CAMTA1: variants seen among roughly 807,000 people sequenced by gnomAD.
CAMTA1 encodes the protein calmodulin-binding transcription activator 1.
CAMTA1 carries 27 observed loss-of-function variants against 170.9 expected under a neutral mutation model. The ratio of observed to expected loss-of-function variants is 0.16; its 90% CI spans 0.12 to 0.22. The LOEUF is 0.22. Among genes scored for constraint, CAMTA1 ranks in the 10% least tolerant of loss-of-function variants. The pLI is 1.00. For missense variants in CAMTA1, 1,619 were observed against 2,217.2 expected, an observed-to-expected ratio of 0.73 and a Z score of 5.42; for synonymous variants, 833 against 891.5, an observed-to-expected ratio of 0.93 and a Z score of 1.17.
intron 21 of CAMTA1, among the ~76,000 whole-genome samples, chr1:7,753,721 C>T (rs1242906455): frequency 6.6e-6 from 1 of 152,208 alleles, no homozygotes; most frequent in African/African-American, 2.4e-5. Flanking sequence ...TAAAAAACGG[C>T]ATTCACTAAG....
intron 3 of CAMTA1, among the ~76,000 whole-genome samples, chr1:6,839,341 C>A (rs566790543): frequency 6.6e-6 from 1 of 152,066 alleles, no homozygotes; most frequent in Admixed American, 6.5e-5. Flanking sequence ...GAGATCGTGC[C>A]ACTGCACTCC....
chr1:7,639,312 A>G (rs1337523427), intron 6 of CAMTA1, among the ~76,000 whole-genome samples: 1 of 152,178 alleles, frequency 6.6e-6, no homozygotes, highest in Non-Finnish European at 1.5e-5. Context: ...AGACTGAGAG[A>G]TCTTTCCCAG....
intron 1 of CAMTA1, among the ~76,000 whole-genome samples, chr1:6,802,723 T>C (rs1316689748): frequency 6.6e-6 from 1 of 152,000 alleles, no homozygotes; most frequent in African/African-American, 2.4e-5. Flanking sequence ...AAGCTTTTTC[T>C]TTGTCTCTCT....
In CAMTA1 at chr1:7,735,771, G is replaced by T. The variant is rs1243899957; in HGVS notation, c.3067-573G>T. 2.6e-5 allele frequency among the ~76,000 whole-genome samples: 4 copies of T among 151,920 alleles called. No individual in the cohort carries two copies. The South Asian group carries it at 6.3e-4, about 24-fold the overall frequency. On this transcript the variant is annotated intron_variant, in intron 12 of 22. Transcript: ENST00000303635. ...TGGTTCTTGGGGGTTTGGGTTTTTT[G>T]TTGTTGTTGTTGTTTTTTGAGACAA... is the stretch of plus-strand genomic sequence containing the variant.
chr1:6,893,640 G>A (rs1675029032), intron 3 of CAMTA1, among the ~76,000 whole-genome samples: 1 of 152,172 alleles, frequency 6.6e-6, no homozygotes, highest in East Asian at 1.9e-4. Context: ...TGTTCCATCG[G>A]GCTTCTGCAT....
At chr1:7,192,609 C>G (rs1654748889) in intron 4 of CAMTA1, among the ~76,000 whole-genome samples, 1 of 152,212 alleles carries the variant, frequency 6.6e-6, no homozygotes, top group African/African-American at 2.4e-5. Flanking sequence ...CGAGTGCCAC[C>G]TGCAGGAGCA....
chr1:6,887,557 T>C lies in CAMTA1; in HGVS notation c.234+62347T>C. 6.6e-7 allele frequency: 1 copy of C among 1,507,472 alleles called. No individual in the cohort carries two copies. The highest frequency in any genetic ancestry group is 8.8e-7 in the Non-Finnish European group (1 of 1,131,932). The allele number at this position is 1,507,472 out of a possible 1,614,324, so 93.4% of individuals were successfully genotyped here. ...AGTTTGCCTTTACCCAGATGTCTCC[T>C]CCTCTCTCTGCCTCTGGAAATGGGG... On this transcript the variant is annotated intron_variant, in intron 3 of 22. Coordinates refer to ENST00000303635, the MANE Select transcript of CAMTA1 (RefSeq NM_015215.4). This position sits in a 1 kb window ranked among gnomAD's most constrained non-coding sequence, Gnocchi z 4.1.
intron 3 of CAMTA1, among the ~76,000 whole-genome samples, chr1:6,919,830 A>T (rs1341444452): frequency 6.6e-6 from 1 of 151,984 alleles, no homozygotes; most frequent in East Asian, 1.9e-4. Flanking sequence ...ATCTCAGGAG[A>T]CTTATTCGCT....
At chr1:6,908,264 C>G (rs1381315274) in intron 3 of CAMTA1, among the ~76,000 whole-genome samples, 1 of 152,234 alleles carries the variant, frequency 6.6e-6, no homozygotes, top group African/African-American at 2.4e-5. Context: ...GGCCGTTACT[C>G]CCCCTCACTC....
At chr1:7,416,382 C>T (rs1256052015) in intron 5 of CAMTA1, among the ~76,000 whole-genome samples, 6 of 152,366 alleles carry the variant, frequency 3.9e-5, no homozygotes, top group African/African-American at 1.2e-4. Context: ...TTCTCCCCGT[C>T]ACTTTCAGGC....
chr1:7,493,400 C>A (rs1424480586), intron 6 of CAMTA1, among the ~76,000 whole-genome samples: 1 of 148,746 alleles, frequency 6.7e-6, no homozygotes, highest in Non-Finnish European at 1.5e-5. Context: ...CGTGCACACA[C>A]ACAAAAACAC....
At chr1:7,454,595 G>A (rs1024887744) in intron 5 of CAMTA1, among the ~76,000 whole-genome samples, 3 of 152,148 alleles carry the variant, frequency 2.0e-5, no homozygotes, top group African/African-American at 4.8e-5. Context: ...CCAAGGCCAG[G>A]CACCCCGACC....
intron 2 of CAMTA1, among the ~76,000 whole-genome samples, chr1:6,821,915 A>G (rs558892779): frequency 6.6e-4 from 100 of 152,268 alleles, no homozygotes; most frequent in African/African-American, 2.4e-3. Context: ...TAGGTTGACT[A>G]GAAAGGATGG....
At chr1:7,282,939 A>AAT (rs147997882) in intron 5 of CAMTA1, among the ~76,000 whole-genome samples, 11,398 of 152,208 alleles carry the variant, frequency 0.075, 571 homozygotes, top group East Asian at 0.13. Flanking sequence ...AGACAAGGAC[A>AAT]ATATGACAAA....
At chr1:7,292,968 G>C (rs1371189045) in intron 5 of CAMTA1, among the ~76,000 whole-genome samples, 2 of 152,096 alleles carry the variant, frequency 1.3e-5, no homozygotes, top group Admixed American at 6.5e-5. Context: ...AGGTTGGGTG[G>C]GATCTCTGGG....
At chr1:7,464,216 C>T (rs1014735383) in intron 5 of CAMTA1, among the ~76,000 whole-genome samples, 7 of 152,104 alleles carry the variant, frequency 4.6e-5, no homozygotes, top group Admixed American at 2.0e-4. Context: ...AGGGAACCCA[C>T]GGCATGTACT....
intron 3 of CAMTA1, among the ~76,000 whole-genome samples, chr1:7,003,148 G>A (rs1246428561): frequency 1.3e-5 from 2 of 152,224 alleles, no homozygotes; most frequent in Non-Finnish European, 2.9e-5. Flanking sequence ...TTGCTCAGTT[G>A]TGACAACAAG....
chr1:6,855,110 C>G lies in CAMTA1; in HGVS notation c.234+29900C>G, dbSNP rs374761889. Among the ~76,000 whole-genome samples the G allele has an allele frequency of 2.6e-5, 4 of 152,028 alleles. No individual in the cohort carries two copies. In the East Asian group the frequency reaches 5.8e-4, roughly 22 times the overall value. ...GTATATGTAGAAAATTAAAAAAAAC[C>G]TCTTTATAACTTATTATAAATAATA... On this transcript the variant is annotated intron_variant, in intron 3 of 22. Transcript: ENST00000303635.
chr1:7,154,857 T>C (rs949959992), intron 4 of CAMTA1, among the ~76,000 whole-genome samples: 6 of 152,174 alleles, frequency 3.9e-5, no homozygotes, highest in African/African-American at 1.4e-4. Context: ...AGGGAGTCCA[T>C]GGTTTGGCTG....
Sources: allele counts gnomAD v4.1 joint callset (sites outside exome capture counted in the v4.1 genomes callset), GRCh38; gene constraint gnomAD v4.1.1; non-coding constraint Gnocchi (gnomAD v3.1); transcripts MANE v1.5; gene names NCBI Gene and HGNC (gene_info 2026-07-23, HGNC 2026-07-21).